ARHGEF3: variants seen among roughly 807,000 people sequenced by gnomAD.
The protein encoded by ARHGEF3 is 59.8 kDA protein.
In ARHGEF3, 28 loss-of-function variants were observed where a neutral mutation model predicts 63.2. The ratio of observed to expected loss-of-function variants is 0.44; its 90% CI spans 0.33 to 0.61. The LOEUF (loss-of-function observed/expected upper bound fraction) is 0.61. Among genes scored for constraint, ARHGEF3 ranks in the 20% least tolerant of loss-of-function variants. ARHGEF3 has a pLI of 0.03. For synonymous variants in ARHGEF3, 266 were observed against 254.2 expected, an observed-to-expected ratio of 1.05 and a Z score of -0.44; for missense variants, 533 against 659.3, an observed-to-expected ratio of 0.81 and a Z score of 2.10.
At chr3:56,806,719 G>T (rs1201748662), upstream of ARHGEF3, among the ~76,000 whole-genome samples, 3 of 152,192 alleles carry the variant, frequency 2.0e-5, 1 homozygote, top group Admixed American at 6.5e-5. Context: ...ACCAGGCATG[G>T]CTTGGAGACC....
intron 3 of ARHGEF3, among the ~76,000 whole-genome samples, chr3:56,918,851 T>C (rs1011056472): frequency 6.6e-6 from 1 of 152,342 alleles, no homozygotes; most frequent in East Asian, 1.9e-4. Flanking sequence ...AATAGTAACA[T>C]AGCATCACTG....
At chr3:56,862,601 G>A (rs550993168) in intron 4 of ARHGEF3, among the ~76,000 whole-genome samples, 4 of 152,276 alleles carry the variant, frequency 2.6e-5, no homozygotes, top group South Asian at 2.1e-4. Context: ...CACACAGGAC[G>A]AGGCTGCTGC....
At chr3:57,003,501 C>T (rs62253462) in intron 2 of ARHGEF3, among the ~76,000 whole-genome samples, 21,954 of 151,680 alleles carry the variant, frequency 0.14, 2,057 homozygotes, top group Non-Finnish European at 0.21. Context: ...GGCTGGCACC[C>T]AAGGCTGTGA....
chr3:56,780,405 C>T (rs1483009537), intron 1 of ARHGEF3, among the ~76,000 whole-genome samples: 2 of 152,230 alleles, frequency 1.3e-5, no homozygotes, highest in Admixed American at 6.5e-5. Flanking sequence ...TGTTCCCATA[C>T]ATCCTTTACA....
chr3:56,866,422 T>C (rs943335563), intron 4 of ARHGEF3, among the ~76,000 whole-genome samples: 1 of 152,200 alleles, frequency 6.6e-6, no homozygotes, highest in Non-Finnish European at 1.5e-5. Flanking sequence ...GTCATGTTCC[T>C]AGGGGAGGCT....
chr3:56,845,177 C>T (rs1294336188), intron 4 of ARHGEF3, among the ~76,000 whole-genome samples: 1 of 152,178 alleles, frequency 6.6e-6, no homozygotes, highest in African/African-American at 2.4e-5. Context: ...CAGACCCTTC[C>T]CCAGTCAAAC....
intron 3 of ARHGEF3, among the ~76,000 whole-genome samples, chr3:56,883,315 T>C (rs2040829626): frequency 6.6e-6 from 1 of 152,036 alleles, no homozygotes; most frequent in South Asian, 2.1e-4. Context: ...TTTTTTTTTT[T>C]TTGAGACAGG....
At chr3:56,855,976 A>G (rs2039864282) in intron 4 of ARHGEF3, among the ~76,000 whole-genome samples, 1 of 152,226 alleles carries the variant, frequency 6.6e-6, no homozygotes, top group African/African-American at 2.4e-5. Context: ...CTTGGCTCAA[A>G]GGGCTTCTTT....
chr3:56,872,353 G>A (rs2040456125), intron 4 of ARHGEF3, among the ~76,000 whole-genome samples: 1 of 152,020 alleles, frequency 6.6e-6, no homozygotes, highest in African/African-American at 2.4e-5. Flanking sequence ...TAAACATATA[G>A]GAGCATAACG....
rs114143896 is a variant in ARHGEF3 at position 56,993,049 on chromosome 3, G to A, written c.63-34160C>T. 3.0e-3 allele frequency among the ~76,000 whole-genome samples: 456 copies of A among 152,232 alleles called. 4 individuals carry two copies. Among genetic ancestry groups the A allele is most frequent in the Middle Eastern group, 0.01 (3 of 294 alleles). ...AGAGTTTCACCATATTGGCCAGTCT[G>A]GCCTCGAATTCCTGACTTCAGGCGA... On this transcript the variant is annotated intron_variant, in intron 2 of 12. Coordinates refer to the ARHGEF3 transcript ENST00000338458.
intron 6 of ARHGEF3, 91 bp from the exon 7 acceptor site, chr3:56,745,553 C>T (rs2034326246): frequency 2.1e-6 from 3 of 1,428,822 alleles, no homozygotes; most frequent in Admixed American, 4.5e-5. Flanking sequence ...TGAACAAACA[C>T]CTAACTGGTC....
intron 1 of ARHGEF3, among the ~76,000 whole-genome samples, chr3:56,789,326 C>G (rs375889315): frequency 2.0e-5 from 3 of 152,122 alleles, no homozygotes; most frequent in African/African-American, 7.2e-5. Flanking sequence ...ATCCTTCCCA[C>G]CAGAGTGAAG....
At chr3:56,758,564 C>T (rs1050892310) in intron 2 of ARHGEF3, among the ~76,000 whole-genome samples, 1 of 152,164 alleles carries the variant, frequency 6.6e-6, no homozygotes, top group Non-Finnish European at 1.5e-5. Flanking sequence ...AACACAAGCC[C>T]CTTAGGCTGG....
intron 3 of ARHGEF3, among the ~76,000 whole-genome samples, chr3:56,892,887 C>T (rs2041170150): frequency 6.6e-6 from 1 of 152,220 alleles, no homozygotes; most frequent in Admixed American, 6.5e-5. Context: ...GGCCTTTAAC[C>T]CTAGGGAGAG....
intron 1 of ARHGEF3, among the ~76,000 whole-genome samples, chr3:57,072,049 C>A (rs1171453621): frequency 6.6e-6 from 1 of 152,114 alleles, no homozygotes; most frequent in Non-Finnish European, 1.5e-5. Flanking sequence ...CTGGGAAATG[C>A]AAATCAAAGT....
At chr3:56,920,779 A>G (rs529882663) in intron 3 of ARHGEF3, among the ~76,000 whole-genome samples, 28 of 152,344 alleles carry the variant, frequency 1.8e-4, no homozygotes, top group Middle Eastern at 3.4e-3. Flanking sequence ...AAGGCCGGGC[A>G]CGATGGCTCA....
chr3:56,878,386 T>C (rs1004956295), intron 4 of ARHGEF3, among the ~76,000 whole-genome samples: 2 of 152,120 alleles, frequency 1.3e-5, no homozygotes, highest in Non-Finnish European at 2.9e-5. Flanking sequence ...TCAGAAATAG[T>C]TTGTGTTCTA....
At chr3:57,073,718 TG>T in intron 1 of ARHGEF3, 1 of 1,614,116 alleles carries the variant, frequency 6.2e-7, no homozygotes, top group South Asian at 1.1e-5. Flanking sequence ...CTCTGACTTG[TG>T]GGTCCACCTT....
At chr3:56,775,634 G>C in intron 1 of ARHGEF3, 3 of 985,692 alleles carry the variant, frequency 3.0e-6, no homozygotes, top group Non-Finnish European at 3.6e-6. Context: ...AGTGCTGAAG[G>C]GAAAGATCTG....
Sources: gnomAD v4.1 joint callset for allele counts (sites outside exome capture counted in the v4.1 genomes callset) on GRCh38, gnomAD v4.1.1 for gene constraint, MANE v1.5 for transcripts, NCBI Gene and HGNC (gene_info 2026-07-23, HGNC 2026-07-21) for gene names.